Variants in EXT2 observed in about 807,000 individuals in gnomAD.
The protein encoded by EXT2 is exostosin glycosyltransferase 2, also known as exostosin-2.
EXT2 carries 53 observed loss-of-function variants against 81.6 expected under a neutral mutation model. That is an observed-to-expected ratio of 0.65 (90% CI 0.52 to 0.82). The LOEUF (loss-of-function observed/expected upper bound fraction) is 0.82, where lower values mean the gene tolerates loss of function less well. Among genes scored for constraint, EXT2 ranks in the 40% least tolerant of loss-of-function variants. The pLI, the probability that EXT2 is intolerant of heterozygous loss-of-function variation, is 0.00. For missense variants in EXT2, 774 were observed against 910.2 expected, an observed-to-expected ratio of 0.85 and a Z score of 1.93; for synonymous variants, 320 against 340.0, an observed-to-expected ratio of 0.94 and a Z score of 0.65.
Position 44,124,992 on chromosome 11 carries a change from T to A in EXT2, c.939+8T>A. 1.2e-6 allele frequency: 2 copies of A among 1,611,790 alleles called. No homozygotes were observed. The highest frequency in any genetic ancestry group is 4.2e-4 in the Middle Eastern group (2 of 4,746). ...TACCCACAGGTGCTACAGGTGAGTGTCATTCATTACCTCTCGCAAAGGCTC... is the reference window on the plus strand; with the variant it reads ...TACCCACAGGTGCTACAGGTGAGTGACATTCATTACCTCTCGCAAAGGCTC... On this transcript the variant is annotated splice_region_variant and intron_variant, in intron 5 of 13. Transcript: ENST00000533608.
rs1486818211 is a variant in EXT2, at chr11:44,124,772, G to GT, written c.744-10dup. On this transcript the variant is annotated splice_polypyrimidine_tract_variant and intron_variant, in intron 4 of 13. Coordinates refer to ENST00000533608, the MANE Select transcript of EXT2 (RefSeq NM_207122.2). ...ACCAGCTGCAATTTTCCAATCACCT[G>GT]TTTTTTTCCCTTGTAGTCCACGGCA... 3 of 1,613,376 alleles carry GT rather than the reference G, an allele frequency of 1.9e-6. No individual in the cohort carries two copies. The highest frequency in any genetic ancestry group is 2.5e-6 in the Non-Finnish European group (3 of 1,179,644).
intron 4 of EXT2, among the ~76,000 whole-genome samples, chr11:44,123,972 TC>T (rs1426289724): frequency 6.6e-6 from 1 of 150,592 alleles, no homozygotes; most frequent in Non-Finnish European, 1.5e-5. Context: ...GGGAATTACT[TC>T]CCATCTGGTC....
chr11:44,173,637 C>T lies in EXT2; in HGVS notation c.1305+1895C>T, dbSNP rs552877202. Among the ~76,000 whole-genome samples the T allele has an allele frequency of 1.0e-3, 149 of 146,952 alleles. 2 individuals carry two copies. Among genetic ancestry groups the T allele is most frequent in the African/African-American group, 2.9e-3 (116 of 40,046 alleles). ...AGGCTGGAGTGCAGTAGCGCAATGC[C>T]GGCTCACTGCAAGTTCCGCCTTCTG... On this transcript the variant is annotated intron_variant, in intron 8 of 13. Coordinates refer to ENST00000533608, the MANE Select transcript of EXT2 (RefSeq NM_207122.2).
At chr11:44,163,056 C>G (rs1954948375) in intron 7 of EXT2, among the ~76,000 whole-genome samples, 1 of 151,952 alleles carries the variant, frequency 6.6e-6, no homozygotes, top group African/African-American at 2.4e-5. Context: ...TTGTTGGATC[C>G]CCAAGTTAAA....
chr11:44,147,865 A>T (rs1404342754), intron 7 of EXT2, among the ~76,000 whole-genome samples: 1 of 114,320 alleles, frequency 8.7e-6, no homozygotes, highest in African/African-American at 3.4e-5. Flanking sequence ...GTTTATTTTT[A>T]TCCAGCAGCA....
At chr11:44,180,273 C>T (rs1489504691) in intron 8 of EXT2, among the ~76,000 whole-genome samples, 1 of 152,188 alleles carries the variant, frequency 6.6e-6, no homozygotes, top group Non-Finnish European at 1.5e-5. Flanking sequence ...CCCCTATACA[C>T]TCCTCCTGTT....
chr11:44,221,566 G>A (rs1248360916), intron 10 of EXT2, among the ~76,000 whole-genome samples: 1 of 152,196 alleles, frequency 6.6e-6, no homozygotes, highest in African/African-American at 2.4e-5. Context: ...GCTGCTTCAG[G>A]AATTCAGAGC....
intron 8 of EXT2, among the ~76,000 whole-genome samples, chr11:44,181,493 A>T (rs922365337): frequency 6.6e-6 from 1 of 152,202 alleles, no homozygotes; most frequent in African/African-American, 2.4e-5. Context: ...CGTCTGTTAC[A>T]TAGATGACGA....
intron 8 of EXT2, among the ~76,000 whole-genome samples, chr11:44,173,945 T>A (rs146308611): frequency 4.0e-4 from 61 of 152,330 alleles, no homozygotes; most frequent in African/African-American, 1.4e-3. Flanking sequence ...ATCTACAGAA[T>A]TAATTCCAAC....
rs73537704 is a variant in EXT2 at position 44,206,413 on chromosome 11, A to G, written c.1496-380A>G. Among the ~76,000 whole-genome samples the G allele has an allele frequency of 6.7e-3, 1,026 of 152,228 alleles. 16 individuals are homozygous for G. The highest frequency in any genetic ancestry group is 0.023 in the African/African-American group (935 of 41,520). ...CTGAGAATGAGGTTATGCAGACCTT[A>G]TTTCTCTTCCTGTCATTGTGACCTT... On this transcript the variant is annotated intron_variant, in intron 9 of 13. Coordinates refer to ENST00000533608, the MANE Select transcript of EXT2 (RefSeq NM_207122.2).
chr11:44,103,538 C>G (rs1445900440), intron 1 of EXT2, among the ~76,000 whole-genome samples: 1 of 152,198 alleles, frequency 6.6e-6, no homozygotes, highest in Non-Finnish European at 1.5e-5. Flanking sequence ...GCCTCCTAAA[C>G]TGAGCTTTGA....
chr11:44,150,365 A>G (rs924324829), intron 7 of EXT2, among the ~76,000 whole-genome samples: 4 of 152,170 alleles, frequency 2.6e-5, no homozygotes, highest in African/African-American at 9.7e-5. Flanking sequence ...AGAAGACAAA[A>G]CCACAATAAT....
At chr11:44,173,571 T>C (rs1422356536) in intron 8 of EXT2, among the ~76,000 whole-genome samples, 180 of 138,872 alleles carry the variant, frequency 1.3e-3, no homozygotes, top group African/African-American at 2.8e-3. Context: ...TTCTTTTTTT[T>C]TTTTTTTTTT....
chr11:44,133,583 T>C (rs1275426438), intron 7 of EXT2, among the ~76,000 whole-genome samples: 1 of 152,214 alleles, frequency 6.6e-6, no homozygotes, highest in African/African-American at 2.4e-5. Context: ...TCTGAGTATT[T>C]AAATCTTTCC....
chr11:44,108,711 A>T (rs1249921745), intron 2 of EXT2, among the ~76,000 whole-genome samples: 1 of 152,212 alleles, frequency 6.6e-6, no homozygotes, highest in East Asian at 1.9e-4. Context: ...ACACATACAC[A>T]TCTGTATATA....
rs1370059549 is a variant in EXT2 at position 44,249,142 on chromosome 11, G to A, written c.*4855G>A. ...CTTCCAAGTAGCTGAGACTAAAAGCGTGCACCACCACACCTGGCTGATCTT... is the reference window on the plus strand; with the variant it reads ...CTTCCAAGTAGCTGAGACTAAAAGCATGCACCACCACACCTGGCTGATCTT... On this transcript the variant is annotated 3_prime_UTR_variant, in exon 14 of 14. Transcript: ENST00000533608. Among the ~76,000 whole-genome samples, 3 of 151,982 alleles carry A rather than the reference G, an allele frequency of 2.0e-5. No homozygotes were observed. The highest frequency in any genetic ancestry group is 4.8e-5 in the African/African-American group (2 of 41,366).
intron 6 of EXT2, among the ~76,000 whole-genome samples, 193 bp downstream of exon 6, chr11:44,127,148 T>A (rs911157036): frequency 1.3e-5 from 2 of 152,200 alleles, no homozygotes; most frequent in Non-Finnish European, 1.5e-5. Flanking sequence ...AGGCTGGCTG[T>A]TTTTGTAAGT....
intron 8 of EXT2, among the ~76,000 whole-genome samples, chr11:44,180,833 G>C (rs975564359): frequency 6.6e-6 from 1 of 152,164 alleles, no homozygotes; most frequent in African/African-American, 2.4e-5. Context: ...TGGGCGCGGT[G>C]GCTCACACCT....
intron 1 of EXT2, among the ~76,000 whole-genome samples, chr11:44,103,011 A>G (rs951348672): frequency 2.7e-5 from 4 of 150,942 alleles, no homozygotes; most frequent in Non-Finnish European, 5.9e-5. Context: ...TTACTTCCTT[A>G]TTGTGTTTTT....
Sources: allele counts gnomAD v4.1 joint callset (sites outside exome capture counted in the v4.1 genomes callset), GRCh38; gene constraint gnomAD v4.1.1; transcripts MANE v1.5; gene names NCBI Gene and HGNC (gene_info 2026-07-23, HGNC 2026-07-21).